ABCB5: variants seen among roughly 807,000 people sequenced by gnomAD.
The protein encoded by ABCB5 is ATP binding cassette subfamily B member 5, also known as ATP-binding cassette sub-family B member 5.
In ABCB5, 155 loss-of-function variants were observed where a neutral mutation model predicts 144.2. The observed-to-expected ratio is 1.08, with a 90% confidence interval of 0.94 to 1.23. The LOEUF is 1.23. ABCB5 is among the 50% of genes most tolerant of loss of function. The pLI is 0.00. For missense variants in ABCB5, 1,830 were observed against 1,520.8 expected (o/e 1.20, Z -3.38); for synonymous variants, 610 against 528.6 (o/e 1.15, Z -2.11).
In ABCB5 at chr7:20,704,784, A is replaced by C. The variant is rs770078331; in HGVS notation, c.2398A>C (p.Ile800Leu). Residue 800 changes from isoleucine (I) to leucine (L), a missense_variant, in exon 20 of 28, where the codon ATA becomes CTA. Transcript: ENST00000404938. ...AGGAGGCTTGACAACAATATTAGCC[A>C]TAGATATAGCACAAATTCAAGGAGT... ...STGGLTTILA[I>L]DIAQIQGATG... is the part of the protein sequence containing the mutation. 6.2e-7 allele frequency: 1 copy of C among 1,613,530 alleles called. No homozygotes were observed. The highest frequency in any genetic ancestry group is 1.1e-5 in the South Asian group (1 of 91,068).
intron 14 of ABCB5, among the ~76,000 whole-genome samples, chr7:20,660,652 C>A (rs1258988544): frequency 2.0e-5 from 3 of 152,156 alleles, no homozygotes; most frequent in Non-Finnish European, 4.4e-5. Context: ...GGTAGGACAT[C>A]CAGCAGGTCT....
At chr7:20,619,546 T>C (rs1344258050) in intron 1 of ABCB5, among the ~76,000 whole-genome samples, 1 of 135,702 alleles carries the variant, frequency 7.4e-6, no homozygotes, top group Non-Finnish European at 1.7e-5. Flanking sequence ...TTTTTGCTTC[T>C]TGAGTTAAGT....
chr7:20,696,609 C>T (rs942796241), intron 16 of ABCB5, among the ~76,000 whole-genome samples: 2 of 152,070 alleles, frequency 1.3e-5, no homozygotes, highest in African/African-American at 4.8e-5. Flanking sequence ...CTCAAGAAAG[C>T]TCTAAGCTGT....
chr7:20,640,549 T>C (rs1784273793), intron 5 of ABCB5, among the ~76,000 whole-genome samples: 1 of 152,114 alleles, frequency 6.6e-6, no homozygotes, highest in Admixed American at 6.6e-5. Context: ...TCATTACAAA[T>C]AGCAAAATCA....
chr7:20,755,414 TTC>T lies in ABCB5; in HGVS notation c.3577-7_3577-6del, dbSNP rs1217327439. ...AACTCAAACTGGTGATCACAGGTCT[TTC>T]TCTCTTCCAGGTGGTTCAGCATGCC... On this transcript the variant is annotated splice_polypyrimidine_tract_variant and intron_variant, in intron 27 of 27. Coordinates refer to ENST00000404938, the MANE Select transcript of ABCB5 (RefSeq NM_001163941.2). 1 of 1,613,300 alleles carries T rather than the reference TTC, an allele frequency of 6.2e-7. No individual in the cohort carries two copies. The highest frequency in any genetic ancestry group is 8.5e-7 in the Non-Finnish European group (1 of 1,179,330).
intron 26 of ABCB5, among the ~76,000 whole-genome samples, chr7:20,750,500 A>C (rs904090233): frequency 6.6e-6 from 1 of 152,148 alleles, no homozygotes; most frequent in Admixed American, 6.5e-5. Flanking sequence ...GATATAATAT[A>C]GTCCTTTATT....
chr7:20,725,308 C>T (rs569433731), intron 21 of ABCB5, among the ~76,000 whole-genome samples: 27 of 152,350 alleles, frequency 1.8e-4, no homozygotes, highest in South Asian at 1.2e-3. Flanking sequence ...GGGCCAGGTG[C>T]GCTGGCTTAC....
At chr7:20,711,604 G>C (rs71530672) in intron 20 of ABCB5, among the ~76,000 whole-genome samples, 1 of 147,692 alleles carries the variant, frequency 6.8e-6, no homozygotes, top group Non-Finnish European at 1.5e-5. Context: ...TGGGACTCTG[G>C]GCACATGCCA....
intron 22 of ABCB5, among the ~76,000 whole-genome samples, chr7:20,727,943 T>C: frequency 6.6e-6 from 1 of 152,342 alleles, no homozygotes; most frequent in African/African-American, 2.4e-5. Flanking sequence ...TAATTTCCTC[T>C]ATTCTGTTAA....
chr7:20,667,484 C>T (rs943716892), intron 14 of ABCB5: 4 of 982,374 alleles, frequency 4.1e-6, no homozygotes, highest in Non-Finnish European at 4.8e-6. Flanking sequence ...ATATTCTGTC[C>T]TCTCAAATTC....
intron 9 of ABCB5, among the ~76,000 whole-genome samples, chr7:20,646,974 C>G (rs1410112077): frequency 6.6e-6 from 1 of 152,216 alleles, no homozygotes; most frequent in East Asian, 1.9e-4. Flanking sequence ...GCATCCTCAT[C>G]TATATGATAG....
chr7:20,751,877 A>C (rs1782941543), intron 26 of ABCB5, among the ~76,000 whole-genome samples: 1 of 152,256 alleles, frequency 6.6e-6, no homozygotes, highest in Non-Finnish European at 1.5e-5. Flanking sequence ...TTCTTTGTAG[A>C]GCATTCACGT....
chr7:20,745,504 A>G, intron 26 of ABCB5, 66 bp downstream of exon 26: 1 of 1,420,906 alleles, frequency 7.0e-7, no homozygotes, highest in Non-Finnish European at 9.8e-7. Context: ...TACTGGGCCT[A>G]TGCAGTTGTT....
intron 16 of ABCB5, among the ~76,000 whole-genome samples, chr7:20,686,814 C>T (rs1479158824): frequency 6.6e-6 from 1 of 152,092 alleles, no homozygotes; most frequent in Admixed American, 6.6e-5. Flanking sequence ...GAGATTGAAT[C>T]TCCTCTTAGC....
At chr7:20,703,985 C>A (rs1296976644) in intron 19 of ABCB5, among the ~76,000 whole-genome samples, 1 of 151,440 alleles carries the variant, frequency 6.6e-6, no homozygotes, top group East Asian at 1.9e-4. Flanking sequence ...TTATATGGCC[C>A]CTAAAGAGAA....
intron 14 of ABCB5, among the ~76,000 whole-genome samples, chr7:20,665,768 G>GATGATAGAGATAC: frequency 8.0e-6 from 1 of 125,432 alleles, no homozygotes; most frequent in Non-Finnish European, 1.6e-5. Context: ...GATAGATAGA[G>GATGATAGAGATAC]ATACATACAT....
chr7:20,699,329 T>C (rs972896601), intron 17 of ABCB5, among the ~76,000 whole-genome samples: 3 of 152,142 alleles, frequency 2.0e-5, no homozygotes, highest in African/African-American at 7.2e-5. Context: ...TTTTTTATCA[T>C]AGATAATGTA....
intron 5 of ABCB5, among the ~76,000 whole-genome samples, chr7:20,632,769 A>C (rs1049909308): frequency 6.6e-6 from 1 of 151,620 alleles, no homozygotes; most frequent in Non-Finnish European, 1.5e-5. Flanking sequence ...GAGCAAAAAA[A>C]CAAACACCGC....
chr7:20,666,981 G>A, intron 14 of ABCB5: 3 of 911,066 alleles, frequency 3.3e-6, no homozygotes, highest in Non-Finnish European at 4.5e-6. Flanking sequence ...TGAATATTTT[G>A]TTGTTGTTCA....
Sources: allele counts gnomAD v4.1 joint callset (sites outside exome capture counted in the v4.1 genomes callset), GRCh38; gene constraint gnomAD v4.1.1; transcripts MANE v1.5; gene names NCBI Gene and HGNC (gene_info 2026-07-23, HGNC 2026-07-21).